The following PCDHGB3 variants were observed in gnomAD, a reference collection of about 807,000 sequenced individuals.
The protein encoded by PCDHGB3 is protocadherin gamma-B3.
A neutral mutation model predicts 59.2 loss-of-function variants in PCDHGB3; 40 were observed. The observed-to-expected ratio is 0.68, with a 90% confidence interval of 0.52 to 0.88. The LOEUF is 0.88. Ranked by LOEUF, PCDHGB3 falls within the 40% of genes least tolerant of loss-of-function variation. PCDHGB3 has a pLI of 0.00. For missense variants in PCDHGB3, 1,309 were observed against 1,187.9 expected, an observed-to-expected ratio of 1.10 and a Z score of -1.50; for synonymous variants, 581 against 503.6, an observed-to-expected ratio of 1.15 and a Z score of -2.06.
intron 1 of PCDHGB3, chr5:141,403,461 A>G (rs2094410364): frequency 6.2e-7 from 1 of 1,614,010 alleles, no homozygotes; most frequent in Non-Finnish European, 8.5e-7. Context: ...CTCCAGAGCT[A>G]CCAGCTCAGC....
At chr5:141,505,323 G>C in intron 2 of PCDHGB3, 70 bp from the exon 3 acceptor site, 1 of 1,606,758 alleles carries the variant, frequency 6.2e-7, no homozygotes, top group South Asian at 1.1e-5. Flanking sequence ...GGGAGCCCTG[G>C]GAGAGGACAG....
rs145288114 is a variant in PCDHGB3 at position 141,477,334 on chromosome 5, C to T, written c.2416-17473C>T. On this transcript the variant is annotated intron_variant, in intron 1 of 3. Coordinates refer to ENST00000576222, the MANE Select transcript of PCDHGB3 (RefSeq NM_018924.5). This position sits in a 1 kb window ranked among gnomAD's most constrained non-coding sequence, Gnocchi z 4.9. ...GCCTTACTTCTTCCCTCAAGAATTA[C>T]TTCACTTTGAAAACCAGTGCAGACC... is the stretch of plus-strand genomic sequence containing the variant. 1.3e-4 allele frequency: 215 copies of T among 1,614,074 alleles called. No homozygotes were observed. Among genetic ancestry groups the T allele is most frequent in the Non-Finnish European group, 1.8e-4 (210 of 1,180,044 alleles).
In PCDHGB3 at chr5:141,395,537, A is replaced by ATTGTTTGT. The variant is rs1179408656; in HGVS notation, c.2415+22729_2415+22736dup. On this transcript the variant is annotated intron_variant, in intron 1 of 3. Coordinates refer to ENST00000576222, the MANE Select transcript of PCDHGB3 (RefSeq NM_018924.5). Reference sequence around the variant, plus strand: ...ACCCGTCCATACTGGTAATTTTGCTATTGTTTGTGTGTGTGTGTGTGTGTG... The same window carrying ATTGTTTGT: ...ACCCGTCCATACTGGTAATTTTGCTATTGTTTGTTTGTTTGTGTGTGTGTGTGTGTGTG... 12 of 243,932 alleles carry ATTGTTTGT rather than the reference A, an allele frequency of 4.9e-5. No individual in the cohort carries two copies. In the African/African-American group the frequency reaches 6.6e-4, roughly 13 times the overall value. 15.1% of individuals were successfully genotyped at this position (243,932 alleles called of 1,614,324 possible).
chr5:141,428,063 C>T lies in PCDHGB3; in HGVS notation c.2415+55254C>T, dbSNP rs777477669. 12 of 1,609,054 alleles carry T rather than the reference C, an allele frequency of 7.5e-6. No individual in the cohort carries two copies. In the African/African-American group the frequency reaches 1.3e-4, roughly 18 times the overall value. ...TGGTGACCAAGGTGGTGGCGGTGGA[C>T]GCAGATTCGGGACACAACGCTTGGC... On this transcript the variant is annotated intron_variant, in intron 1 of 3. Coordinates refer to ENST00000576222, the MANE Select transcript of PCDHGB3 (RefSeq NM_018924.5).
chr5:141,438,681 G>T (rs2098050580), intron 1 of PCDHGB3, among the ~76,000 whole-genome samples: 1 of 142,154 alleles, frequency 7.0e-6, no homozygotes, highest in South Asian at 2.3e-4. Context: ...TGGAGTAGGG[G>T]ATGGAGTCTT....
chr5:141,417,899 C>G lies in PCDHGB3; in HGVS notation c.2415+45090C>G, dbSNP rs781294504. On this transcript the variant is annotated intron_variant, in intron 1 of 3. Transcript: ENST00000576222. ...CGCGCAGAGGCGCCGGGCCGGCCCG[C>G]GGCAGGTACTATTTCCTTTGCTGCT... 2.0e-5 allele frequency: 31 copies of G among 1,581,354 alleles called. 2 individuals carry two copies. In the South Asian group the frequency reaches 3.4e-4, roughly 17 times the overall value.
chr5:141,456,715 A>G (rs2098881350), intron 1 of PCDHGB3, among the ~76,000 whole-genome samples: 1 of 152,204 alleles, frequency 6.6e-6, no homozygotes, highest in South Asian at 2.1e-4. Flanking sequence ...CTGTAATCCC[A>G]GCACTTTGGG....
intron 1 of PCDHGB3, chr5:141,385,134 G>T (rs774973571): frequency 6.2e-7 from 1 of 1,614,188 alleles, no homozygotes; most frequent in East Asian, 2.2e-5. Flanking sequence ...GCATGGACGG[G>T]GTGCAGGCTT....
intron 1 of PCDHGB3, among the ~76,000 whole-genome samples, chr5:141,472,712 G>A (rs1303609397): frequency 1.3e-5 from 2 of 151,972 alleles, no homozygotes; most frequent in Admixed American, 6.6e-5. Flanking sequence ...CAGGCCAGGC[G>A]CTGTGGCTCA....
intron 1 of PCDHGB3, chr5:141,410,203 C>T: frequency 1.9e-6 from 3 of 1,614,022 alleles, no homozygotes; most frequent in Non-Finnish European, 2.5e-6. Flanking sequence ...TCGCAGACAA[C>T]TTGCAAGAGA....
chr5:141,371,047 G>A lies in PCDHGB3; in HGVS notation c.653G>A (p.Gly218Asp). The change falls in exon 1 of 4, where the codon GGC (glycine) becomes GAC (aspartate). Residue 218 changes from glycine (G) to aspartate (D), a missense_variant. By Grantham distance (94) the Gly-to-Asp change is moderately conservative. Transcript: ENST00000576222. The part of the protein sequence containing the change: ...HHLVLTAVDG[G>D]EPSRSCTTQI... ...CTGGTCCTCACAGCTGTGGATGGGG[G>A]CGAGCCCTCCAGAAGCTGTACCACC... is the stretch of plus-strand genomic sequence containing the variant. 1 of 1,613,990 alleles carries A rather than the reference G, an allele frequency of 6.2e-7. No individual in the cohort carries two copies.
At chr5:141,447,636 T>C (rs772671166) in intron 1 of PCDHGB3, among the ~76,000 whole-genome samples, 49 of 152,136 alleles carry the variant, frequency 3.2e-4, no homozygotes, top group Non-Finnish European at 5.3e-4. Context: ...ACAGTATGAA[T>C]GATGGTAGAA....
At chr5:141,405,114 C>T in intron 1 of PCDHGB3, 1 of 1,613,970 alleles carries the variant, frequency 6.2e-7, no homozygotes, top group Non-Finnish European at 8.5e-7. Flanking sequence ...CACTGGCACT[C>T]CTCGCATCTG....
rs141151122 is a variant in PCDHGB3, at chr5:141,491,445, C to T, written c.2416-3362C>T. ...GAGGGCAGTGCTGCAGGCGCCAGGA[C>T]TCACCCTCCCCGGACTTCTATAAGC... is the stretch of plus-strand genomic sequence containing the variant. On this transcript the variant is annotated intron_variant, in intron 1 of 3. Transcript: ENST00000576222. This position sits in a 1 kb window ranked among gnomAD's most constrained non-coding sequence, Gnocchi z 6.9. 1 of 1,614,112 alleles carries T rather than the reference C, an allele frequency of 6.2e-7. No individual in the cohort carries two copies. The highest frequency in any genetic ancestry group is 8.5e-7 in the Non-Finnish European group (1 of 1,180,032).
intron 1 of PCDHGB3, among the ~76,000 whole-genome samples, chr5:141,483,310 A>G (rs2099579870): frequency 6.6e-6 from 1 of 152,156 alleles, no homozygotes; most frequent in African/African-American, 2.4e-5. Context: ...GACTGGGGAC[A>G]TTGGGACTGG....
At chr5:141,378,443 A>C (rs1022226439) in intron 1 of PCDHGB3, 2 of 152,300 alleles carry the variant, frequency 1.3e-5, no homozygotes, top group Non-Finnish European at 2.9e-5. Context: ...GAATCGCTTG[A>C]ACCCATGAGG....
At chr5:141,422,379 C>G (rs2096644662) in intron 1 of PCDHGB3, 1 of 1,576,826 alleles carries the variant, frequency 6.3e-7, no homozygotes, top group East Asian at 2.2e-5. Flanking sequence ...GTCAAGTCTC[C>G]TGTTTTATTC....
intron 3 of PCDHGB3, among the ~76,000 whole-genome samples, chr5:141,506,948 G>A (rs949082646): frequency 6.6e-6 from 1 of 152,162 alleles, no homozygotes; most frequent in Non-Finnish European, 1.5e-5. Flanking sequence ...TCCTGTCAAT[G>A]AATCCTCTCA....
intron 1 of PCDHGB3, chr5:141,384,001 CT>C (rs752837795): frequency 6.2e-7 from 1 of 1,613,828 alleles, no homozygotes; most frequent in South Asian, 1.1e-5. Context: ...AGTCATTGCT[CT>C]TTTCTACCTA....
Sources: allele counts gnomAD v4.1 joint callset (sites outside exome capture counted in the v4.1 genomes callset), GRCh38; gene constraint gnomAD v4.1.1; non-coding constraint Gnocchi (gnomAD v3.1); transcripts MANE v1.5; gene names NCBI Gene and HGNC (gene_info 2026-07-23, HGNC 2026-07-21).